Variants in SLC4A3 observed in about 807,000 individuals in gnomAD.
SLC4A3 encodes the protein solute carrier family 4 member 3.
SLC4A3 carries 47 observed loss-of-function variants against 114.2 expected under a neutral mutation model. That is an observed-to-expected ratio of 0.41 (90% CI 0.33 to 0.52). The LOEUF (loss-of-function observed/expected upper bound fraction) is 0.52, where lower values mean the gene tolerates loss of function less well. Ranked by LOEUF, SLC4A3 falls within the 20% of genes least tolerant of loss-of-function variation. SLC4A3 has a pLI of 0.21. For missense variants in SLC4A3, 1,312 were observed against 1,668.3 expected, an observed-to-expected ratio of 0.79 and a Z score of 3.72; for synonymous variants, 693 against 710.3, an observed-to-expected ratio of 0.98 and a Z score of 0.39.
Position 219,638,082 on chromosome 2 carries a change from G to A in SLC4A3, c.2767-82G>A. The A allele has an allele frequency of 8.4e-7, 1 of 1,183,760 alleles. No homozygotes were observed. The highest frequency in any genetic ancestry group is 1.2e-6 in the Non-Finnish European group (1 of 813,358). The allele number at this position is 1,183,760 out of a possible 1,614,324, so 73.3% of individuals were successfully genotyped here. ...TCTGGCTCCAGCTTGGACCCAGGCA[G>A]GGCCAGAGATGGCAAGCCCCGTGTT... On this transcript the variant is annotated intron_variant, in intron 17 of 22. Coordinates refer to ENST00000358055, the MANE Select transcript of SLC4A3 (RefSeq NM_005070.4). The surrounding 1 kb of genome is among the most constrained non-coding windows in gnomAD (Gnocchi z 7.5).
chr2:219,632,156 C>A, intron 7 of SLC4A3, 40 bp downstream of exon 7: 1 of 1,606,992 alleles, frequency 6.2e-7, no homozygotes, highest in Non-Finnish European at 8.5e-7. Context: ...CTTCCTCATG[C>A]CCCTCGGCCC....
chr2:219,639,207 A>C lies in SLC4A3; in HGVS notation c.3024-275A>C, dbSNP rs1699232359. 6.6e-6 allele frequency among the ~76,000 whole-genome samples: 1 copy of C among 152,198 alleles called. No individual in the cohort carries two copies. Among genetic ancestry groups the C allele is most frequent in the African/African-American group, 2.4e-5 (1 of 41,446 alleles). The stretch of plus-strand genomic sequence containing the variant: ...TCTAAGCTTGCACCCAGGGATGCTC[A>C]CATGTATCTAATTTTGGTTAAACCA... On this transcript the variant is annotated intron_variant, in intron 19 of 22. Transcript: ENST00000358055. This position sits in a 1 kb window ranked among gnomAD's most constrained non-coding sequence, Gnocchi z 5.9.
chr2:219,634,657 T>C (rs1357908885), intron 12 of SLC4A3, 53 bp downstream of exon 12: 7 of 1,557,516 alleles, frequency 4.5e-6, no homozygotes, highest in South Asian at 1.2e-5. Context: ...TGCTTACCCC[T>C]GTCCCTCATT....
In SLC4A3 at chr2:219,641,222, G is replaced by A. The variant is rs1241177969; in HGVS notation, c.3621+260G>A. ...GGTTTTGTAAGGGAGTTGGCACGGG[G>A]CTGCTGCACACAGCTGTGCAGGTGG... is the stretch of plus-strand genomic sequence containing the variant. On this transcript the variant is annotated intron_variant, in intron 22 of 22. Transcript: ENST00000358055. This position sits in a 1 kb window ranked among gnomAD's most constrained non-coding sequence, Gnocchi z 4.0. Among the ~76,000 whole-genome samples, 1 of 152,178 alleles carries A rather than the reference G, an allele frequency of 6.6e-6. No individual in the cohort carries two copies. The highest frequency in any genetic ancestry group is 1.9e-4 in the East Asian group (1 of 5,196).
At position 219,637,019 on chromosome 2, in the gene SLC4A3, G is replaced by A. The variant is rs2106198253; in HGVS notation, c.2535+145G>A. On this transcript the variant is annotated intron_variant, in intron 16 of 22. Transcript: ENST00000358055. This position sits in a 1 kb window ranked among gnomAD's most constrained non-coding sequence, Gnocchi z 4.6. The stretch of plus-strand genomic sequence containing the variant: ...AGTGAGGGGTTCTAGGGACACCCTA[G>A]GCTAGGTCTGAGCTGAAGGGGAGGG... The A allele has an allele frequency of 1.3e-6, 1 of 754,176 alleles. No individual in the cohort carries two copies. Among genetic ancestry groups the A allele is most frequent in the South Asian group, 1.8e-5 (1 of 55,896 alleles). The allele number at this position is 754,176 out of a possible 1,614,324, so 46.7% of individuals were successfully genotyped here.
In SLC4A3 at chr2:219,631,472, C is replaced by T. The variant is rs1284366012; in HGVS notation, c.812-496C>T. 1.5e-6 allele frequency: 2 copies of T among 1,300,922 alleles called. No individual in the cohort carries two copies. The highest frequency in any genetic ancestry group is 5.6e-5 in the East Asian group (1 of 17,990). The allele number at this position is 1,300,922 out of a possible 1,614,324, so 80.6% of individuals were successfully genotyped here. On this transcript the variant is annotated intron_variant, in intron 6 of 22. Transcript: ENST00000358055. The surrounding 1 kb of genome is among the most constrained non-coding windows in gnomAD (Gnocchi z 6.3). ...CACCAACTTGTGAGTAACGGGGCTG[C>T]TGGCCTTTCCCCGACTGCTGCTGGC...
At position 219,631,376 on chromosome 2, in the gene SLC4A3, G is replaced by A. The variant is rs182223198; in HGVS notation, c.812-592G>A. The A allele has an allele frequency of 3.8e-6, 5 of 1,304,276 alleles. No individual in the cohort carries two copies. The Admixed American group carries it at 1.1e-4, about 30-fold the overall frequency. 80.8% of individuals were successfully genotyped at this position (1,304,276 alleles called of 1,614,324 possible). A position where few individuals can be genotyped will look rare whatever the true frequency, so the allele number is the denominator to read the frequency against. ...CACTGGCCCCGGAAGACTTAGAGATGTTTGTGCTGGACTTTGAGGATGGTG... is the reference window on the plus strand; with the variant it reads ...CACTGGCCCCGGAAGACTTAGAGATATTTGTGCTGGACTTTGAGGATGGTG... On this transcript the variant is annotated intron_variant, in intron 6 of 22. Transcript: ENST00000358055. This position sits in a 1 kb window ranked among gnomAD's most constrained non-coding sequence, Gnocchi z 6.3.
At position 219,632,067 on chromosome 2, in the gene SLC4A3, T is replaced by C. The variant is rs1698942719; in HGVS notation, c.911T>C (p.Ile304Thr). Residue 304 changes from isoleucine to threonine, a missense_variant, in exon 7 of 23, where the codon ATC becomes ACC. Coordinates refer to ENST00000358055, the MANE Select transcript of SLC4A3 (RefSeq NM_005070.4). Reference sequence around the variant, plus strand: ...GGCAGTCCCAGCGGCCTGGCCCCCATCCTTCGCAGGAAGAAGAAGAAGAAA... The same window carrying C: ...GGCAGTCCCAGCGGCCTGGCCCCCACCCTTCGCAGGAAGAAGAAGAAGAAA... Reference protein sequence around the residue: ...GRGSPSGLAPILRRKKKKKKL... With the variant: ...GRGSPSGLAPTLRRKKKKKKL... The C allele has an allele frequency of 1.2e-6, 2 of 1,613,706 alleles. No homozygotes were observed. The highest frequency in any genetic ancestry group is 1.7e-6 in the Non-Finnish European group (2 of 1,179,928).
chr2:219,635,572 C>T (rs1263808604), intron 13 of SLC4A3, 76 bp downstream of exon 13: 10 of 1,480,218 alleles, frequency 6.8e-6, no homozygotes, highest in South Asian at 1.2e-5. Context: ...ACCCCAGCCC[C>T]GTCCTGACTC....
Position 219,631,514 on chromosome 2 carries a change from G to A in SLC4A3, c.812-454G>A, listed in dbSNP as rs576015039. ...GCTGCTGGCCTGGGTGGGGCAGACAGGAGGAAGGGAGCGAAGCCCTGCCTG... is the reference window on the plus strand; with the variant it reads ...GCTGCTGGCCTGGGTGGGGCAGACAAGAGGAAGGGAGCGAAGCCCTGCCTG... On this transcript the variant is annotated intron_variant, in intron 6 of 22. Coordinates refer to ENST00000358055, the MANE Select transcript of SLC4A3 (RefSeq NM_005070.4). The surrounding 1 kb of genome is among the most constrained non-coding windows in gnomAD (Gnocchi z 6.3). 5 of 1,275,420 alleles carry A rather than the reference G, an allele frequency of 3.9e-6. No individual in the cohort carries two copies. In the East Asian group the frequency reaches 2.3e-4, roughly 57 times the overall value. 79.0% of individuals were successfully genotyped at this position (1,275,420 alleles called of 1,614,324 possible).
In SLC4A3 at chr2:219,635,251, G is replaced by A. The variant is rs1699073978; in HGVS notation, c.1747-20G>A. On this transcript the variant is annotated intron_variant, in intron 12 of 22. Coordinates refer to ENST00000358055, the MANE Select transcript of SLC4A3 (RefSeq NM_005070.4). ...TCCCTTGGCTGTCCCTGAGGGTCCT[G>A]GCCCTCTCATTGCCCCCAGCTGTTT... 2 of 1,607,356 alleles carry A rather than the reference G, an allele frequency of 1.2e-6. No individual in the cohort carries two copies. Among genetic ancestry groups the A allele is most frequent in the East Asian group, 2.2e-5 (1 of 44,818 alleles).
chr2:219,635,607 CCAA>C (rs2106195021), intron 13 of SLC4A3, 63 bp from the exon 14 acceptor site: 2 of 1,487,626 alleles, frequency 1.3e-6, no homozygotes. Flanking sequence ...ATCCCTGATC[CCAA>C]CAGCCCGGGG....
chr2:219,640,460 G>A lies in SLC4A3; in HGVS notation c.3308G>A (p.Arg1103His), dbSNP rs756383532. The change falls in exon 21 of 23, where the codon CGT becomes CAT. Residue 1103 changes from arginine (R) to histidine (H), a missense_variant. Physicochemically the swap from Arg to His is conservative, Grantham distance 29 (BLOSUM62 0). Transcript: ENST00000358055. Reference protein sequence around the residue: ...GLSIVMGAVLRRIPLAVLFGI... With the variant: ...GLSIVMGAVLHRIPLAVLFGI... The stretch of plus-strand genomic sequence containing the variant: ...TCCATCGTCATGGGGGCTGTGCTGC[G>A]TCGGATCCCATTGGCTGTGCTCTTT... 3.7e-6 allele frequency: 6 copies of A among 1,613,976 alleles called. No individual in the cohort carries two copies. Among genetic ancestry groups the A allele is most frequent in the East Asian group, 2.2e-5 (1 of 44,876 alleles).
At chr2:219,629,844 C>T (rs1162032429) in intron 5 of SLC4A3, 149 bp downstream of exon 5, 1 of 582,530 alleles carries the variant, frequency 1.7e-6, no homozygotes, top group African/African-American at 2.2e-5. Context: ...GGGTGGGGAT[C>T]CTTCTCTGTC....
chr2:219,634,366 C>G, intron 11 of SLC4A3, 54 bp from the exon 12 acceptor site: 1 of 1,581,702 alleles, frequency 6.3e-7, no homozygotes, highest in Non-Finnish European at 8.7e-7. Flanking sequence ...TGCCCCAGGG[C>G]CTGCCTTGAC....
At chr2:219,640,733 G>C in intron 21 of SLC4A3, 56 bp from the exon 22 acceptor site, 1 of 1,585,414 alleles carries the variant, frequency 6.3e-7, no homozygotes, top group Non-Finnish European at 8.6e-7. Flanking sequence ...CACGATGTGG[G>C]TGGGTGGGAG....
Position 219,631,933 on chromosome 2 carries a change from G to A in SLC4A3, c.812-35G>A. ...GCCGTGACCCCGAGGGCCCCAGCTG[G>A]ACCTGTGGGACCCCCAAGCCCATCT... On this transcript the variant is annotated intron_variant, in intron 6 of 22. Transcript: ENST00000358055. The surrounding 1 kb of genome is among the most constrained non-coding windows in gnomAD (Gnocchi z 6.3). The A allele has an allele frequency of 6.4e-7, 1 of 1,552,512 alleles. No individual in the cohort carries two copies. The highest frequency in any genetic ancestry group is 2.3e-5 in the East Asian group (1 of 44,162).
In SLC4A3 at chr2:219,631,934, ACCT is replaced by A. The variant is rs1415710066; in HGVS notation, c.812-33_812-31del. The A allele has an allele frequency of 4.5e-6, 7 of 1,554,864 alleles. No individual in the cohort carries two copies. The highest frequency in any genetic ancestry group is 6.1e-6 in the Non-Finnish European group (7 of 1,151,174). On this transcript the variant is annotated intron_variant, in intron 6 of 22. Transcript: ENST00000358055. This position sits in a 1 kb window ranked among gnomAD's most constrained non-coding sequence, Gnocchi z 6.3. Reference sequence around the variant, plus strand: ...CCGTGACCCCGAGGGCCCCAGCTGGACCTGTGGGACCCCCAAGCCCATCTTCTC... The same window carrying A: ...CCGTGACCCCGAGGGCCCCAGCTGGAGTGGGACCCCCAAGCCCATCTTCTC...
rs536690076 is a variant in SLC4A3 at position 219,628,367 on chromosome 2, G to T, written c.52-38G>T. 6.4e-7 allele frequency: 1 copy of T among 1,571,520 alleles called. No homozygotes were observed. Among genetic ancestry groups the T allele is most frequent in the Non-Finnish European group, 8.6e-7 (1 of 1,160,396 alleles). On this transcript the variant is annotated intron_variant, in intron 2 of 22. Coordinates refer to ENST00000358055, the MANE Select transcript of SLC4A3 (RefSeq NM_005070.4). The surrounding 1 kb of genome is among the most constrained non-coding windows in gnomAD (Gnocchi z 4.8). ...TTGGGGTGGGTGTGGGGCCTTCATG[G>T]GTCAGGGGTCCTTAGCAGAGGCCGT...
Sources: allele counts gnomAD v4.1 joint callset (sites outside exome capture counted in the v4.1 genomes callset), GRCh38; gene constraint gnomAD v4.1.1; non-coding constraint Gnocchi (gnomAD v3.1); transcripts MANE v1.5; gene names NCBI Gene and HGNC (gene_info 2026-07-23, HGNC 2026-07-21).